The following TNNI3K variants were observed in gnomAD, a reference collection of about 807,000 sequenced individuals.
The protein encoded by TNNI3K is serine/threonine-protein kinase TNNI3K.
Under a neutral mutation model 114.5 loss-of-function variants are expected in TNNI3K, and 140 were observed. The observed-to-expected ratio is 1.22, with a 90% CI of 1.07 to 1.41. The LOEUF is 1.41. TNNI3K is among the 40% of genes most tolerant of loss of function. TNNI3K has a pLI of 0.00. For missense variants in TNNI3K, 1,125 were observed against 1,007.6 expected, an observed-to-expected ratio of 1.12 and a Z score of -1.58; for synonymous variants, 347 against 347.5, an observed-to-expected ratio of 1.00 and a Z score of 0.02.
At chr1:74,464,268 A>C (rs974663619) in intron 21 of TNNI3K, among the ~76,000 whole-genome samples, 2 of 152,200 alleles carry the variant, frequency 1.3e-5, no homozygotes, top group Non-Finnish European at 2.9e-5. Flanking sequence ...CTTTCCTAGT[A>C]ACACAGTTCA....
chr1:74,324,696 C>A (rs145708004), intron 5 of TNNI3K, among the ~76,000 whole-genome samples: 9 of 152,186 alleles, frequency 5.9e-5, no homozygotes, highest in African/African-American at 1.7e-4. Context: ...ACGTGGGGAG[C>A]AAGAGAGAGA....
At chr1:74,455,457 G>A (rs1378166248) in intron 20 of TNNI3K, among the ~76,000 whole-genome samples, 2 of 152,136 alleles carry the variant, frequency 1.3e-5, no homozygotes, top group South Asian at 2.1e-4. Context: ...GAAAGTCCTT[G>A]TACAAGTCAG....
At chr1:74,376,501 T>A (rs1461877489) in intron 17 of TNNI3K, 3 of 152,124 alleles carry the variant, frequency 2.0e-5, no homozygotes, top group Non-Finnish European at 4.4e-5. Flanking sequence ...TTACCATACT[T>A]ATAAAAGTCC....
chr1:74,509,042 G>C (rs534162559), intron 23 of TNNI3K, among the ~76,000 whole-genome samples: 1 of 152,282 alleles, frequency 6.6e-6, no homozygotes, highest in Middle Eastern at 3.4e-3. Flanking sequence ...AGAAATGAAA[G>C]CCTGTGTCTA....
At chr1:74,532,374 C>G (rs1319080144) in intron 23 of TNNI3K, among the ~76,000 whole-genome samples, 6 of 152,064 alleles carry the variant, frequency 3.9e-5, no homozygotes, top group East Asian at 1.9e-4. Flanking sequence ...AATCCAAAAC[C>G]CTTTAACTTA....
chr1:74,281,235 G>A (rs969873986), intron 5 of TNNI3K, among the ~76,000 whole-genome samples: 4 of 152,060 alleles, frequency 2.6e-5, no homozygotes, highest in Non-Finnish European at 4.4e-5. Context: ...CTTCAGGTGT[G>A]ACCCAGCGCA....
chr1:74,433,944 G>A (rs1167172923), intron 17 of TNNI3K, among the ~76,000 whole-genome samples: 2 of 151,934 alleles, frequency 1.3e-5, no homozygotes, highest in African/African-American at 4.8e-5. Context: ...TGTTGTTGTT[G>A]TTGTCTTTTA....
At chr1:74,300,895 A>T (rs1451717133) in intron 5 of TNNI3K, among the ~76,000 whole-genome samples, 1 of 152,090 alleles carries the variant, frequency 6.6e-6, no homozygotes, top group African/African-American at 2.4e-5. Flanking sequence ...TAATAACAGG[A>T]TTGACTTGTT....
At chr1:74,428,558 A>T (rs959407899) in intron 17 of TNNI3K, among the ~76,000 whole-genome samples, 4 of 152,092 alleles carry the variant, frequency 2.6e-5, no homozygotes, top group African/African-American at 9.7e-5. Flanking sequence ...GGCTTCATTT[A>T]TCTTGAAGAA....
At chr1:74,454,726 A>T (rs1010985682) in intron 20 of TNNI3K, among the ~76,000 whole-genome samples, 1 of 152,272 alleles carries the variant, frequency 6.6e-6, no homozygotes, top group African/African-American at 2.4e-5. Flanking sequence ...TCTTTTGGAT[A>T]TATACCTGGC....
At chr1:74,427,304 CT>C (rs11463713) in intron 17 of TNNI3K, among the ~76,000 whole-genome samples, 103 of 147,142 alleles carry the variant, frequency 7.0e-4, no homozygotes, top group African/African-American at 1.4e-3. Flanking sequence ...AAGTTGGAAA[CT>C]TTTTTTTTTT....
chr1:74,332,750 G>C (rs1449354488), intron 6 of TNNI3K, among the ~76,000 whole-genome samples: 2 of 152,080 alleles, frequency 1.3e-5, no homozygotes, highest in Non-Finnish European at 2.9e-5. Context: ...CTGTACCAAA[G>C]TACCTCTTCT....
intron 23 of TNNI3K, among the ~76,000 whole-genome samples, chr1:74,497,577 C>T (rs1468481029): frequency 4.0e-5 from 6 of 150,574 alleles, no homozygotes; most frequent in African/African-American, 1.2e-4. Context: ...CACACACACA[C>T]ACACATACAC....
At chr1:74,256,283 CTTTTTTTTTT>C (rs61636791) in intron 4 of TNNI3K, among the ~76,000 whole-genome samples, 2 of 42,778 alleles carry the variant, frequency 4.7e-5, no homozygotes, top group Non-Finnish European at 1.0e-4. Flanking sequence ...TGTGGTCAGT[CTTTTTTTTTT>C]TTTTTTTTTT....
At chr1:74,498,566 A>C (rs1250292928) in intron 23 of TNNI3K, among the ~76,000 whole-genome samples, 1 of 152,156 alleles carries the variant, frequency 6.6e-6, no homozygotes, top group Non-Finnish European at 1.5e-5. Context: ...AACTAGGAAA[A>C]TTATTAGTTA....
chr1:74,344,912 T>G (rs943940610), intron 9 of TNNI3K, among the ~76,000 whole-genome samples: 2 of 152,170 alleles, frequency 1.3e-5, no homozygotes, highest in Admixed American at 6.6e-5. Flanking sequence ...GAATTTTTTA[T>G]GTACATAGTA....
intron 20 of TNNI3K, among the ~76,000 whole-genome samples, chr1:74,448,260 T>TAAAAAAAA (rs71588834): frequency 1.6e-4 from 14 of 89,122 alleles, no homozygotes; most frequent in African/African-American, 2.0e-4. Flanking sequence ...TAGAGTATAA[T>TAAAAAAAA]AAAAAAAAAA....
At chr1:74,401,559 G>A (rs1347050497) in intron 17 of TNNI3K, among the ~76,000 whole-genome samples, 1 of 152,126 alleles carries the variant, frequency 6.6e-6, no homozygotes, top group East Asian at 1.9e-4. Context: ...ATTTGAACAA[G>A]TTAGAAAAGA....
intron 20 of TNNI3K, among the ~76,000 whole-genome samples, chr1:74,462,702 A>G (rs1667502383): frequency 6.6e-6 from 1 of 152,186 alleles, no homozygotes; most frequent in Non-Finnish European, 1.5e-5. Flanking sequence ...TTTCTAAGGG[A>G]GTATAGAAAT....
Sources: gnomAD v4.1 joint callset for allele counts (sites outside exome capture counted in the v4.1 genomes callset) on GRCh38, gnomAD v4.1.1 for gene constraint, MANE v1.5 for transcripts, NCBI Gene and HGNC (gene_info 2026-07-23, HGNC 2026-07-21) for gene names.